PRELID2: variants seen among roughly 807,000 people sequenced by gnomAD.
PRELID2 encodes PRELI domain-containing protein 2.
A neutral mutation model predicts 28.4 loss-of-function variants in PRELID2; 25 were observed. That is an observed-to-expected ratio of 0.88 (90% CI 0.64 to 1.23). The LOEUF (loss-of-function observed/expected upper bound fraction) is 1.23, where lower values mean the gene tolerates loss of function less well. Among genes scored for constraint, PRELID2 ranks in the 50% most tolerant of loss-of-function variants. The pLI is 0.00. For missense variants in PRELID2, 201 were observed against 214.4 expected, an observed-to-expected ratio of 0.94 and a Z score of 0.39; for synonymous variants, 76 against 71.6, an observed-to-expected ratio of 1.06 and a Z score of -0.31.
At chr5:145,452,893 G>A in the PRELID2 span, among the ~76,000 whole-genome samples, 1 of 152,132 alleles carries the variant, frequency 6.6e-6, no homozygotes, top group African/African-American at 2.4e-5. Flanking sequence ...CATTTCCTGG[G>A]TGACAAGAGA....
At chr5:145,514,797 TAACA>T (rs1393920561) in intron 1 of PRELID2, among the ~76,000 whole-genome samples, 1 of 152,076 alleles carries the variant, frequency 6.6e-6, no homozygotes, top group Non-Finnish European at 1.5e-5. Flanking sequence ...AAGGAAATCA[TAACA>T]AACAGTCTTA....
chr5:145,435,945 G>A, the PRELID2 span, among the ~76,000 whole-genome samples: 11 of 152,090 alleles, frequency 7.2e-5, no homozygotes, highest in South Asian at 2.1e-4. Context: ...TAAAATTTTT[G>A]TTTTTATTTT....
intron 1 of PRELID2, among the ~76,000 whole-genome samples, chr5:145,496,857 AT>A (rs1218338467): frequency 2.0e-5 from 3 of 151,376 alleles, no homozygotes; most frequent in Non-Finnish European, 4.4e-5. Flanking sequence ...AGACCCAATA[AT>A]TTGGTTTTGT....
intron 1 of PRELID2, among the ~76,000 whole-genome samples, chr5:145,684,281 A>G (rs930283152): frequency 1.3e-5 from 2 of 152,204 alleles, no homozygotes; most frequent in African/African-American, 4.8e-5. Flanking sequence ...CAGGCTCAAC[A>G]AACCAATCTG....
At chr5:145,478,601 A>T (rs556919855) in intron 1 of PRELID2, among the ~76,000 whole-genome samples, 40 of 152,304 alleles carry the variant, frequency 2.6e-4, no homozygotes, top group African/African-American at 9.4e-4. Context: ...TTAATATTTT[A>T]TACTGATTAC....
At chr5:145,432,642 C>T in the PRELID2 span, among the ~76,000 whole-genome samples, 10 of 151,668 alleles carry the variant, frequency 6.6e-5, no homozygotes, top group Non-Finnish European at 1.2e-4. Context: ...GGGGAGATGG[C>T]GGGGGGCACT....
At chr5:145,683,167 T>G (rs778289128) in intron 1 of PRELID2, among the ~76,000 whole-genome samples, 2 of 152,120 alleles carry the variant, frequency 1.3e-5, no homozygotes, top group Non-Finnish European at 1.5e-5. Context: ...GAGCCTGAAT[T>G]TGTCCTTTAC....
chr5:145,517,739 C>A (rs1752528850), intron 1 of PRELID2, among the ~76,000 whole-genome samples: 1 of 152,152 alleles, frequency 6.6e-6, no homozygotes, highest in East Asian at 1.9e-4. Flanking sequence ...TTGAAACCAA[C>A]CCAAATGCCC....
chr5:145,685,099 T>C (rs1007343994), intron 1 of PRELID2, among the ~76,000 whole-genome samples: 1 of 152,180 alleles, frequency 6.6e-6, no homozygotes, highest in African/African-American at 2.4e-5. Flanking sequence ...ACTGCCACTA[T>C]CCCAATACAT....
At chr5:145,493,500 C>T (rs1485260959) in intron 1 of PRELID2, among the ~76,000 whole-genome samples, 1 of 152,152 alleles carries the variant, frequency 6.6e-6, no homozygotes, top group African/African-American at 2.4e-5. Flanking sequence ...TCCACCATTG[C>T]TTATGATAAA....
At chr5:145,504,316 TA>T (rs559953802) in intron 1 of PRELID2, among the ~76,000 whole-genome samples, 155 of 152,282 alleles carry the variant, frequency 1.0e-3, no homozygotes, top group Non-Finnish European at 1.9e-3. Context: ...TTGAAGTAGA[TA>T]AGGCATATAA....
chr5:145,716,087 T>C (rs758315239), intron 1 of PRELID2, among the ~76,000 whole-genome samples: 19 of 152,152 alleles, frequency 1.2e-4, no homozygotes, highest in Non-Finnish European at 2.8e-4. Context: ...CTATTGGTAG[T>C]ATTAATGTAC....
chr5:145,394,177 A>T, the PRELID2 span, among the ~76,000 whole-genome samples: 36 of 152,164 alleles, frequency 2.4e-4, 1 homozygote, highest in Non-Finnish European at 4.4e-5. Context: ...ACTTGGAACC[A>T]ACCTAAACGT....
At chr5:145,832,919 T>C (rs1437202441) in intron 1 of PRELID2, among the ~76,000 whole-genome samples, 2 of 152,180 alleles carry the variant, frequency 1.3e-5, no homozygotes, top group Admixed American at 6.5e-5. Flanking sequence ...TCAGCAGGCC[T>C]CCCTGCTATA....
intron 1 of PRELID2, among the ~76,000 whole-genome samples, chr5:145,739,999 T>C (rs1297503063): frequency 1.3e-5 from 2 of 150,914 alleles, no homozygotes; most frequent in African/African-American, 4.9e-5. Context: ...ATAATTACAT[T>C]AAATGTAAAT....
chr5:145,238,305 T>C, the PRELID2 span, among the ~76,000 whole-genome samples: 2 of 152,286 alleles, frequency 1.3e-5, no homozygotes, highest in African/African-American at 4.8e-5. Context: ...GACAGTAGTT[T>C]GCTCAACAAA....
chr5:145,328,502 T>C, the PRELID2 span, among the ~76,000 whole-genome samples: 1 of 152,236 alleles, frequency 6.6e-6, no homozygotes, highest in South Asian at 2.1e-4. Flanking sequence ...TGGTATCTAA[T>C]TGTGGTTTTG....
intron 1 of PRELID2, among the ~76,000 whole-genome samples, chr5:145,671,106 A>C (rs912115490): frequency 1.2e-4 from 19 of 152,306 alleles, no homozygotes; most frequent in African/African-American, 4.3e-4. Context: ...TAACAAACCG[A>C]ATTTCCTATA....
intron 6 of PRELID2, among the ~76,000 whole-genome samples, chr5:145,761,980 A>G (rs1216422579): frequency 6.6e-6 from 1 of 152,234 alleles, no homozygotes; most frequent in Non-Finnish European, 1.5e-5. Flanking sequence ...AGTCAAGAAA[A>G]TGGGAGAAAA....
Sources: gnomAD v4.1 joint callset for allele counts (sites outside exome capture counted in the v4.1 genomes callset) on GRCh38, gnomAD v4.1.1 for gene constraint, MANE v1.5 for transcripts, NCBI Gene and HGNC (gene_info 2026-07-23, HGNC 2026-07-21) for gene names.